The following KCND3 variants were observed in gnomAD, a reference collection of about 807,000 sequenced individuals.
KCND3 encodes A-type voltage-gated potassium channel KCND3.
A neutral mutation model predicts 51.1 loss-of-function variants in KCND3; 9 were observed. That is an observed-to-expected ratio of 0.18 (90% CI 0.11 to 0.31). The LOEUF is 0.31. Ranked by LOEUF, KCND3 falls within the 10% of genes least tolerant of loss-of-function variation. The probability of loss-of-function intolerance (pLI) is 1.00; values close to 1 mark genes in which losing one functional copy is unlikely to be tolerated. For missense variants in KCND3, 526 were observed against 903.8 expected (o/e 0.58, Z 5.36); for synonymous variants, 349 against 368.0 (o/e 0.95, Z 0.59).
intron 2 of KCND3, among the ~76,000 whole-genome samples, chr1:111,811,700 T>C (rs1030171884): frequency 1.3e-5 from 2 of 152,212 alleles, no homozygotes; most frequent in African/African-American, 4.8e-5. Context: ...TAGTCAGAGT[T>C]GGCTACATAA....
intron 1 of KCND3, among the ~76,000 whole-genome samples, chr1:111,988,557 T>C (rs1158736332): frequency 1.3e-5 from 2 of 152,198 alleles, no homozygotes; most frequent in Admixed American, 1.3e-4. Context: ...ATTGAATTCG[T>C]GGACACCCAG....
intron 2 of KCND3, among the ~76,000 whole-genome samples, chr1:111,868,745 CT>C (rs201786253): frequency 0.011 from 1,638 of 152,034 alleles, 11 homozygotes; most frequent in Middle Eastern, 0.02. Context: ...TTAACTGTTT[CT>C]TTTTTTTGAG....
chr1:111,867,879 C>T (rs1418793554), intron 2 of KCND3, among the ~76,000 whole-genome samples: 1 of 152,210 alleles, frequency 6.6e-6, no homozygotes, highest in Admixed American at 6.5e-5. Flanking sequence ...TGGGGGCAGA[C>T]AGACCTGGTT....
chr1:111,857,054 A>G (rs997398177), intron 2 of KCND3: 1 of 152,050 alleles, frequency 6.6e-6, no homozygotes, highest in Non-Finnish European at 1.5e-5. Flanking sequence ...CTCCTCCTCT[A>G]ACCTTCTCTG....
At chr1:111,860,709 C>A (rs186340545) in intron 2 of KCND3, among the ~76,000 whole-genome samples, 35 of 152,304 alleles carry the variant, frequency 2.3e-4, no homozygotes, top group African/African-American at 8.4e-4. Flanking sequence ...AGGGAGGTGA[C>A]CCCTGTTCTG....
chr1:111,791,995 A>C (rs572175635), intron 2 of KCND3, among the ~76,000 whole-genome samples: 1 of 152,230 alleles, frequency 6.6e-6, no homozygotes, highest in South Asian at 2.1e-4. Context: ...TGGGTGTCGT[A>C]CTCTGCTCCT....
At chr1:111,803,795 A>G (rs1275082518) in intron 2 of KCND3, among the ~76,000 whole-genome samples, 1 of 151,800 alleles carries the variant, frequency 6.6e-6, no homozygotes, top group Non-Finnish European at 1.5e-5. Flanking sequence ...TACATTTGAA[A>G]TTTTCCATAA....
At chr1:111,830,166 G>T (rs1431568139) in intron 2 of KCND3, among the ~76,000 whole-genome samples, 1 of 152,138 alleles carries the variant, frequency 6.6e-6, no homozygotes, top group Non-Finnish European at 1.5e-5. Context: ...TATTCCCAGT[G>T]CCCAGCACAC....
At chr1:111,976,602 G>A (rs1397389761) in intron 2 of KCND3, among the ~76,000 whole-genome samples, 1 of 152,198 alleles carries the variant, frequency 6.6e-6, no homozygotes, top group Non-Finnish European at 1.5e-5. Context: ...CTCACATCCT[G>A]GCGGAAAGAC....
intron 2 of KCND3, among the ~76,000 whole-genome samples, chr1:111,936,570 C>T (rs868108850): frequency 8.5e-5 from 13 of 152,114 alleles, no homozygotes; most frequent in African/African-American, 1.4e-4. Flanking sequence ...AGGCATGCGG[C>T]GGGACAGGCA....
chr1:111,783,301 C>T (rs770638192), intron 3 of KCND3, among the ~76,000 whole-genome samples: 17 of 152,036 alleles, frequency 1.1e-4, no homozygotes, highest in Non-Finnish European at 1.9e-4. Flanking sequence ...AACTTTCAGA[C>T]CAAATGATGC....
rs1571835299 is a variant in KCND3 at position 111,909,053 on chromosome 1, A to G, written c.1106+72568T>C. On this transcript the variant is annotated intron_variant, in intron 2 of 7. Transcript: ENST00000302127. Reference sequence around the variant, plus strand: ...ATCAGGTGGGAACTTAAAATTCAGAAGGCAGACTCCTCAATTCTGAATTAA... The same window carrying G: ...ATCAGGTGGGAACTTAAAATTCAGAGGGCAGACTCCTCAATTCTGAATTAA... 2.0e-5 allele frequency among the ~76,000 whole-genome samples: 3 copies of G among 151,954 alleles called. No individual in the cohort carries two copies. In the South Asian group the frequency reaches 6.3e-4, roughly 32 times the overall value.
chr1:111,828,784 C>A (rs1666697503), intron 2 of KCND3, among the ~76,000 whole-genome samples: 1 of 152,188 alleles, frequency 6.6e-6, no homozygotes, highest in Admixed American at 6.5e-5. Context: ...TTAGCCACCC[C>A]AGCCACTGCT....
At chr1:111,827,479 A>T (rs1571701549) in intron 2 of KCND3, among the ~76,000 whole-genome samples, 1 of 152,174 alleles carries the variant, frequency 6.6e-6, no homozygotes. Flanking sequence ...GAATTTTGTT[A>T]CCTGCCTCCA....
intron 2 of KCND3, among the ~76,000 whole-genome samples, chr1:111,839,562 T>G: frequency 6.6e-6 from 1 of 152,264 alleles, no homozygotes; most frequent in East Asian, 1.9e-4. Context: ...CTAACCTTTA[T>G]TTAAGGGTTT....
At chr1:111,968,493 CACA>C in intron 2 of KCND3, among the ~76,000 whole-genome samples, 1 of 152,324 alleles carries the variant, frequency 6.6e-6, no homozygotes, top group East Asian at 1.9e-4. Flanking sequence ...AAGTGAGGAT[CACA>C]ACTTATGAAG....
chr1:111,847,187 G>A (rs562136144), intron 2 of KCND3, among the ~76,000 whole-genome samples: 2 of 152,334 alleles, frequency 1.3e-5, no homozygotes, highest in Admixed American at 6.5e-5. Flanking sequence ...TCCAGCAGGC[G>A]AAGGAGGGGC....
chr1:111,879,893 G>A (rs1455114723), intron 2 of KCND3, among the ~76,000 whole-genome samples: 1 of 152,156 alleles, frequency 6.6e-6, no homozygotes, highest in Non-Finnish European at 1.5e-5. Context: ...TGGTGTCTGG[G>A]TTCAATCCCA....
At chr1:111,788,680 C>G (rs575071009) in intron 2 of KCND3, among the ~76,000 whole-genome samples, 1 of 152,304 alleles carries the variant, frequency 6.6e-6, no homozygotes, top group Admixed American at 6.5e-5. Context: ...CTAGGGTTGT[C>G]TCCTCTGCCG....
Sources: gnomAD v4.1 joint callset for allele counts (sites outside exome capture counted in the v4.1 genomes callset) on GRCh38, gnomAD v4.1.1 for gene constraint, MANE v1.5 for transcripts, NCBI Gene and HGNC (gene_info 2026-07-23, HGNC 2026-07-21) for gene names.